THRB: variants seen among roughly 807,000 people sequenced by gnomAD.
THRB encodes the protein thyroid hormone receptor beta.
THRB carries 12 observed loss-of-function variants against 47.8 expected under a neutral mutation model. The ratio of observed to expected loss-of-function variants is 0.25; its 90% CI spans 0.16 to 0.41. The LOEUF (loss-of-function observed/expected upper bound fraction) is 0.41. Ranked by LOEUF, THRB falls within the 10% of genes least tolerant of loss-of-function variation. The pLI is 1.00. For synonymous variants in THRB, 218 were observed against 212.2 expected, an observed-to-expected ratio of 1.03 and a Z score of -0.24; for missense variants, 348 against 589.2, an observed-to-expected ratio of 0.59 and a Z score of 4.24.
chr3:24,269,991 A>G lies in THRB; in HGVS notation c.-43+27235T>C, dbSNP rs2053156737. ...GCACCATCTAATGTATTTGAGCATC[A>G]AAAATTAAACTATGCTATTTAAGGT... On this transcript the variant is annotated intron_variant, in intron 3 of 10. Transcript: ENST00000646209. 1.3e-5 allele frequency among the ~76,000 whole-genome samples: 2 copies of G among 152,306 alleles called. 1 individual carries two copies. Among genetic ancestry groups the G allele is most frequent in the South Asian group, 4.1e-4 (2 of 4,820 alleles).
chr3:24,331,065 C>T lies in THRB; in HGVS notation c.-189+6235G>A, dbSNP rs536234848. Among the ~76,000 whole-genome samples the T allele has an allele frequency of 6.6e-5, 10 of 151,920 alleles. 1 individual carries two copies. In the South Asian group the frequency reaches 8.3e-4, roughly 13 times the overall value. Reference sequence around the variant, plus strand: ...ATCTTTTTTTGGATATAAGGAGTTCCGAAAGAGCTGGCTCCAACTGTCAAC... The same window carrying T: ...ATCTTTTTTTGGATATAAGGAGTTCTGAAAGAGCTGGCTCCAACTGTCAAC... On this transcript the variant is annotated intron_variant, in intron 2 of 10. Transcript: ENST00000646209.
At chr3:24,396,809 A>AACTATAATT (rs1360771435) in intron 1 of THRB, among the ~76,000 whole-genome samples, 1 of 152,146 alleles carries the variant, frequency 6.6e-6, no homozygotes, top group Admixed American at 6.6e-5. Flanking sequence ...TTAAAATCCC[A>AACTATAATT]AAGTTTCACA....
intron 1 of THRB, among the ~76,000 whole-genome samples, chr3:24,338,221 T>A (rs914928490): frequency 2.0e-5 from 3 of 152,194 alleles, no homozygotes; most frequent in Non-Finnish European, 2.9e-5. Context: ...TAAAATAACA[T>A]GAAGAATGCC....
intron 1 of THRB, among the ~76,000 whole-genome samples, chr3:24,405,769 C>T (rs9853102): frequency 0.025 from 3,740 of 151,464 alleles, 148 homozygotes; most frequent in African/African-American, 0.083. Flanking sequence ...CATTACTGAA[C>T]GAATCGCCCA....
chr3:24,248,991 C>T (rs2050388948), intron 3 of THRB, among the ~76,000 whole-genome samples: 1 of 152,120 alleles, frequency 6.6e-6, no homozygotes, highest in Admixed American at 6.5e-5. Context: ...TTTGAATTAC[C>T]TAGTGTGATT....
chr3:24,188,941 G>A (rs1379111093), intron 5 of THRB, among the ~76,000 whole-genome samples: 2 of 143,340 alleles, frequency 1.4e-5, no homozygotes, highest in African/African-American at 5.4e-5. Flanking sequence ...AGTTTTGACT[G>A]CACTCAAATC....
chr3:24,143,546 C>A lies in THRB; in HGVS notation c.693G>T (p.Ala231=). ...TCCAGTGGCTGCCTTGGGCGTTGGT[C>A]GCCACATGGGCTTCGGTGACAGTTT... is the stretch of plus-strand genomic sequence containing the variant. ...LIKTVTEAHV[A]TNAQGSHWKQ... Residue 231 remains alanine (A), a synonymous_variant, in exon 8 of 11, where the codon GCG becomes GCT. Coordinates refer to ENST00000646209, the MANE Select transcript of THRB (RefSeq NM_001354712.2). 1 of 1,614,188 alleles carries A rather than the reference C, an allele frequency of 6.2e-7. No individual in the cohort carries two copies. Among genetic ancestry groups the A allele is most frequent in the Non-Finnish European group, 8.5e-7 (1 of 1,180,038 alleles).
At chr3:24,481,668 G>A (rs1696442958) in intron 1 of THRB, among the ~76,000 whole-genome samples, 1 of 151,966 alleles carries the variant, frequency 6.6e-6, no homozygotes, top group Admixed American at 6.6e-5. Flanking sequence ...TCATTGGAGT[G>A]GCATGTTTCA....
At chr3:24,156,849 C>T (rs894021877) in intron 5 of THRB, among the ~76,000 whole-genome samples, 2 of 152,194 alleles carry the variant, frequency 1.3e-5, no homozygotes, top group Non-Finnish European at 2.9e-5. Flanking sequence ...CCAGCACCTT[C>T]CCTATGTCAT....
rs149328064 is a variant in THRB at position 24,239,534 on chromosome 3, G to A, written c.-42-10533C>T. Among the ~76,000 whole-genome samples the A allele has an allele frequency of 2.2e-4, 34 of 151,908 alleles. No individual in the cohort carries two copies. In the East Asian group the frequency reaches 5.8e-3, roughly 26 times the overall value. ...TTGCTATGTTGCCCAGGCTGGTCTC[G>A]GACTACTGGTCTTAAGCAATTCTCC... is the stretch of plus-strand genomic sequence containing the variant. On this transcript the variant is annotated intron_variant, in intron 3 of 10. Coordinates refer to ENST00000646209, the MANE Select transcript of THRB (RefSeq NM_001354712.2).
chr3:24,482,253 G>T (rs1470394845), intron 1 of THRB, among the ~76,000 whole-genome samples: 1 of 152,114 alleles, frequency 6.6e-6, no homozygotes, highest in Admixed American at 6.6e-5. Context: ...CACTCACCAG[G>T]TACTATGTCC....
At position 24,190,162 on chromosome 3, in the gene THRB, G is replaced by C; in HGVS notation, c.195C>G (p.Ser65Arg). ...SPHLIQTTWT[S>R]SIFHLDHDDV... The stretch of plus-strand genomic sequence containing the variant: ...CATCATGGTCCAGATGGAATATTGA[G>C]CTAGTCCAAGTGGTCTGGATGAGAT... Residue 65 changes from serine (S) to arginine (R), a missense_variant, in exon 5 of 11, where the codon AGC becomes AGG. Coordinates refer to ENST00000646209, the MANE Select transcript of THRB (RefSeq NM_001354712.2). The C allele has an allele frequency of 1.9e-6, 3 of 1,614,094 alleles. No individual in the cohort carries two copies. Among genetic ancestry groups the C allele is most frequent in the Non-Finnish European group, 1.7e-6 (2 of 1,179,958 alleles).
At chr3:24,332,910 GCCA>G (rs2062015823) in intron 2 of THRB, among the ~76,000 whole-genome samples, 7 of 151,798 alleles carry the variant, frequency 4.6e-5, no homozygotes, top group Non-Finnish European at 8.8e-5. Context: ...CAAAAAATTA[GCCA>G]TCTCTACTAA....
At chr3:24,370,371 C>T (rs1472973885) in intron 1 of THRB, among the ~76,000 whole-genome samples, 1 of 151,908 alleles carries the variant, frequency 6.6e-6, no homozygotes, top group Admixed American at 6.6e-5. Context: ...TTCATAGCAC[C>T]GTGGGGTCCC....
chr3:24,200,747 T>A (rs1223030220), intron 4 of THRB, among the ~76,000 whole-genome samples: 1 of 152,148 alleles, frequency 6.6e-6, no homozygotes, highest in African/African-American at 2.4e-5. Context: ...CTGGAAAAGT[T>A]TGGTTTTTTC....
At chr3:24,394,947 A>G (rs2066846098) in intron 1 of THRB, among the ~76,000 whole-genome samples, 1 of 152,152 alleles carries the variant, frequency 6.6e-6, no homozygotes, top group Non-Finnish European at 1.5e-5. Flanking sequence ...GGCAGAGAGC[A>G]GAAGGAAGCT....
At chr3:24,324,766 T>C (rs926688038) in intron 2 of THRB, among the ~76,000 whole-genome samples, 1 of 152,184 alleles carries the variant, frequency 6.6e-6, no homozygotes, top group Non-Finnish European at 1.5e-5. Context: ...ACACTAAAGG[T>C]CCATGTAATC....
intron 2 of THRB, among the ~76,000 whole-genome samples, chr3:24,320,060 T>A (rs2058380745): frequency 6.6e-6 from 1 of 152,240 alleles, no homozygotes. Context: ...CTCAGTCATA[T>A]ACTTTCAGTC....
intron 1 of THRB, among the ~76,000 whole-genome samples, chr3:24,386,836 C>T (rs538581827): frequency 6.6e-6 from 1 of 152,248 alleles, no homozygotes; most frequent in Admixed American, 6.6e-5. Flanking sequence ...TTCTTCATAT[C>T]TATACAAAGA....
Sources: allele counts gnomAD v4.1 joint callset (sites outside exome capture counted in the v4.1 genomes callset), GRCh38; gene constraint gnomAD v4.1.1; transcripts MANE v1.5; gene names NCBI Gene and HGNC (gene_info 2026-07-23, HGNC 2026-07-21).